SBNO2: variants seen among roughly 807,000 people sequenced by gnomAD.
The protein encoded by SBNO2 is protein strawberry notch homolog 2.
Under a neutral mutation model 146.3 loss-of-function variants are expected in SBNO2, and 89 were observed. The ratio of observed to expected loss-of-function variants is 0.61; its 90% confidence interval spans 0.51 to 0.73. The LOEUF is 0.73. Ranked by LOEUF, SBNO2 falls within the 30% of genes least tolerant of loss-of-function variation. The pLI is 0.00. For synonymous variants in SBNO2, 1,147 were observed against 892.6 expected (o/e 1.29, Z -5.08); for missense variants, 2,092 against 2,003.7 (o/e 1.04, Z -0.84).
At chr19:1,163,571 C>T (rs747924804) in intron 1 of SBNO2, among the ~76,000 whole-genome samples, 4 of 152,192 alleles carry the variant, frequency 2.6e-5, no homozygotes, top group East Asian at 1.9e-4. Context: ...TGAGGCGGCA[C>T]GAGGCTGTCT....
chr19:1,144,909 T>A lies in SBNO2; in HGVS notation c.279+2400A>T, dbSNP rs1488181748. ...GGAGACAGAGAGACAGAGGCGGAGA[T>A]GGAGACAGAGACAGAGAGACAGAGA... On this transcript the variant is annotated intron_variant, in intron 4 of 31. Transcript: ENST00000361757. This position sits in a 1 kb window ranked among gnomAD's most constrained non-coding sequence, Gnocchi z 4.1. Among the ~76,000 whole-genome samples, 2 of 62,560 alleles carry A rather than the reference T, an allele frequency of 3.2e-5. No homozygotes were observed. The highest frequency in any genetic ancestry group is 5.1e-4 in the East Asian group (1 of 1,966). The allele number at this position is 62,560 out of a possible 152,430, so 41.0% of individuals were successfully genotyped here. A position where few individuals can be genotyped will look rare whatever the true frequency, so the allele number is the denominator to read the frequency against.
At chr19:1,148,457 G>A (rs1402211229) in intron 3 of SBNO2, among the ~76,000 whole-genome samples, 1 of 146,260 alleles carries the variant, frequency 6.8e-6, no homozygotes, top group Non-Finnish European at 1.5e-5. Context: ...CCCTCTGTGG[G>A]AAAAGTGCCC....
In SBNO2 at chr19:1,154,286, G is replaced by A; in HGVS notation, c.-10C>T. 8.0e-7 allele frequency: 1 copy of A among 1,255,498 alleles called. No homozygotes were observed. The highest frequency in any genetic ancestry group is 1.0e-6 in the Non-Finnish European group (1 of 998,588). The allele number at this position is 1,255,498 out of a possible 1,614,324, so 77.8% of individuals were successfully genotyped here. ...GCCCCACTGCAAGCATCGGGCGGCA[G>A]GCGGGGTGGGGTCCTCGGCCGGGCA... On this transcript the variant is annotated 5_prime_UTR_variant, in exon 2 of 32. Coordinates refer to ENST00000361757, the MANE Select transcript of SBNO2 (RefSeq NM_014963.3).
intron 4 of SBNO2, among the ~76,000 whole-genome samples, chr19:1,137,137 G>C (rs995117349): frequency 2.0e-5 from 3 of 146,620 alleles, no homozygotes; most frequent in Non-Finnish European, 4.5e-5. Flanking sequence ...AGCAGGACCT[G>C]GGGAATGTCC....
chr19:1,147,552 C>T (rs1246906183), intron 3 of SBNO2, 132 bp from the exon 4 acceptor site: 2 of 539,756 alleles, frequency 3.7e-6, no homozygotes, highest in Non-Finnish European at 6.3e-6. Context: ...CCCGGCAGGA[C>T]CCATGGCCCC....
chr19:1,131,187 T>C (rs1270130278), intron 4 of SBNO2, among the ~76,000 whole-genome samples: 1 of 152,142 alleles, frequency 6.6e-6, no homozygotes, highest in African/African-American at 2.4e-5. Flanking sequence ...TCCTGCATCC[T>C]TCACCACATG....
At chr19:1,153,032 G>C (rs1046276264) in intron 2 of SBNO2, among the ~76,000 whole-genome samples, 1 of 151,738 alleles carries the variant, frequency 6.6e-6, no homozygotes, top group Non-Finnish European at 1.5e-5. Flanking sequence ...GCGCGTACCT[G>C]TGGTCCCAGC....
At chr19:1,172,893 C>T (rs535062801) in intron 1 of SBNO2, among the ~76,000 whole-genome samples, 1 of 152,062 alleles carries the variant, frequency 6.6e-6, no homozygotes, top group South Asian at 2.1e-4. Context: ...CGTCCCGTCC[C>T]AGCAGTCACA....
chr19:1,109,094 G>T lies in SBNO2; in HGVS notation c.3425+41C>A. The T allele has an allele frequency of 6.5e-7, 1 of 1,542,240 alleles. No individual in the cohort carries two copies. ...GCCCCCGATCCCCGCCTGGGTCGCC[G>T]CCATCTGCCGGTTTCCCCCTGGTCC... On this transcript the variant is annotated intron_variant, in intron 30 of 31. Transcript: ENST00000361757. This position sits in a 1 kb window ranked among gnomAD's most constrained non-coding sequence, Gnocchi z 4.2.
chr19:1,167,364 G>A (rs947987151), intron 1 of SBNO2, among the ~76,000 whole-genome samples: 10 of 152,246 alleles, frequency 6.6e-5, no homozygotes, highest in South Asian at 2.1e-4. Context: ...GCTGCTCCAC[G>A]GCCACGGCTC....
At chr19:1,172,778 G>GGCCCCCC (rs2080491447) in intron 1 of SBNO2, among the ~76,000 whole-genome samples, 1 of 36,316 alleles carries the variant, frequency 2.8e-5, no homozygotes. Context: ...CACTGCAACC[G>GGCCCCCC]CCCCCCCCGC....
At chr19:1,117,049 G>T in intron 15 of SBNO2, 123 bp from the exon 16 acceptor site, 1 of 954,592 alleles carries the variant, frequency 1.0e-6, no homozygotes, top group Non-Finnish European at 1.5e-6. Flanking sequence ...GCCTCCCCAG[G>T]AGGGGCCACG....
Position 1,154,201 on chromosome 19 carries a change from T to C in SBNO2, c.76A>G (p.Ser26Gly), listed in dbSNP as rs1004190265. The C allele has an allele frequency of 3.2e-6, 4 of 1,248,990 alleles. No homozygotes were observed. The highest frequency in any genetic ancestry group is 1.5e-5 in the African/African-American group (1 of 65,062). The allele number at this position is 1,248,990 out of a possible 1,614,324, so 77.4% of individuals were successfully genotyped here. A position where few individuals can be genotyped will look rare whatever the true frequency, so the allele number is the denominator to read the frequency against. The change falls in exon 2 of 32, where the codon AGC (serine) becomes GGC (glycine). Residue 26 changes from serine (S) to glycine (G), a missense_variant. By Grantham distance (56) the Ser-to-Gly change is moderately conservative. Transcript: ENST00000361757. ...EPPPAGSLLY[S>G]PPPLQSAMLH... is the part of the protein sequence containing the mutation. ...GGGCTCACCTGCAGGGGCGGCGGGC[T>C]GTACAGGAGGCTGCCCGCCGGCGGG...
chr19:1,153,037 C>T (rs2080256873), intron 2 of SBNO2, among the ~76,000 whole-genome samples: 1 of 151,710 alleles, frequency 6.6e-6, no homozygotes, highest in Admixed American at 6.6e-5. Flanking sequence ...TACCTGTGGT[C>T]CCAGCTACTC....
chr19:1,142,602 C>G (rs940752548), intron 4 of SBNO2, among the ~76,000 whole-genome samples: 1 of 152,114 alleles, frequency 6.6e-6, no homozygotes, highest in African/African-American at 2.4e-5. Flanking sequence ...ATGGCTCACA[C>G]TTGGGAGGCA....
intron 11 of SBNO2, among the ~76,000 whole-genome samples, chr19:1,121,019 G>C (rs1280761674): frequency 3.9e-5 from 6 of 152,140 alleles, no homozygotes; most frequent in Non-Finnish European, 8.8e-5. Flanking sequence ...AGCCTCCCGG[G>C]TAGCTGGGAT....
chr19:1,149,569 C>T (rs1053775440), intron 2 of SBNO2, 127 bp from the exon 3 acceptor site: 1 of 801,902 alleles, frequency 1.2e-6, no homozygotes, highest in Admixed American at 2.2e-5. Context: ...CCCATCCCGC[C>T]CCTGCTGGTA....
chr19:1,133,505 C>T (rs2080054893), intron 4 of SBNO2, among the ~76,000 whole-genome samples: 1 of 152,208 alleles, frequency 6.6e-6, no homozygotes, highest in African/African-American at 2.4e-5. Context: ...CCCACTGGGG[C>T]CCCGCGACCA....
chr19:1,132,855 C>G (rs2080046710), intron 4 of SBNO2, among the ~76,000 whole-genome samples: 1 of 152,208 alleles, frequency 6.6e-6, no homozygotes, highest in Non-Finnish European at 1.5e-5. Context: ...CAGGCTCTGG[C>G]CAGACCCGGC....
Sources: gnomAD v4.1 joint callset for allele counts (sites outside exome capture counted in the v4.1 genomes callset) on GRCh38, gnomAD v4.1.1 for gene constraint, Gnocchi (gnomAD v3.1) non-coding constraint, MANE v1.5 for transcripts, NCBI Gene and HGNC (gene_info 2026-07-23, HGNC 2026-07-21) for gene names.